Variants in GPC6 observed in about 807,000 individuals in gnomAD.
The protein encoded by GPC6 is glypican 6, also known as glypican-6.
Under a neutral mutation model 55.2 loss-of-function variants are expected in GPC6, and 14 were observed. The ratio of observed to expected loss-of-function variants is 0.25; its 90% confidence interval spans 0.17 to 0.40. The LOEUF (loss-of-function observed/expected upper bound fraction) is 0.40, where lower values mean the gene tolerates loss of function less well. Ranked by LOEUF, GPC6 falls within the 10% of genes least tolerant of loss-of-function variation. The pLI, the probability that GPC6 is intolerant of heterozygous loss-of-function variation, is 1.00. For missense variants in GPC6, 641 were observed against 708.5 expected (o/e 0.90, Z 1.08); for synonymous variants, 278 against 259.6 (o/e 1.07, Z -0.68).
At chr13:93,992,817 A>T (rs1881370475) in intron 3 of GPC6, among the ~76,000 whole-genome samples, 1 of 152,194 alleles carries the variant, frequency 6.6e-6, no homozygotes, top group African/African-American at 2.4e-5. Flanking sequence ...GGTGTATAGA[A>T]AATTTAGAGA....
chr13:93,711,977 C>T (rs573520511), intron 2 of GPC6, among the ~76,000 whole-genome samples: 17 of 151,826 alleles, frequency 1.1e-4, no homozygotes, highest in African/African-American at 4.1e-4. Flanking sequence ...GGAGGACACA[C>T]TTCACATTGA....
chr13:93,658,731 T>C (rs1007503362), intron 2 of GPC6, among the ~76,000 whole-genome samples: 28 of 151,736 alleles, frequency 1.8e-4, no homozygotes, highest in African/African-American at 6.5e-4. Context: ...TATTAAATAT[T>C]ATAGCATATT....
At chr13:93,463,658 G>C (rs1403133422) in intron 1 of GPC6, among the ~76,000 whole-genome samples, 2 of 152,120 alleles carry the variant, frequency 1.3e-5, no homozygotes, top group African/African-American at 4.8e-5. Flanking sequence ...ACCATGTTAG[G>C]ACCTGAATGA....
chr13:94,067,197 G>T (rs1884547915), intron 4 of GPC6, among the ~76,000 whole-genome samples: 1 of 152,080 alleles, frequency 6.6e-6, no homozygotes, highest in African/African-American at 2.4e-5. Flanking sequence ...CAATATTAGG[G>T]TAAATATGGA....
chr13:93,394,572 A>G (rs764783878), intron 1 of GPC6, among the ~76,000 whole-genome samples: 8 of 152,214 alleles, frequency 5.3e-5, no homozygotes, highest in Admixed American at 1.3e-4. Context: ...CTTAAAAGTT[A>G]ATGAAACATA....
intron 2 of GPC6, among the ~76,000 whole-genome samples, chr13:93,689,821 A>G (rs886284027): frequency 2.0e-4 from 30 of 152,090 alleles, no homozygotes; most frequent in African/African-American, 7.0e-4. Flanking sequence ...AGCAGAAAGG[A>G]TATTGATTAT....
intron 4 of GPC6, among the ~76,000 whole-genome samples, chr13:94,280,712 G>C (rs1205472706): frequency 1.3e-5 from 2 of 152,204 alleles, no homozygotes; most frequent in East Asian, 3.9e-4. Context: ...ATGCTTCTCA[G>C]TGGGGAAAAT....
intron 3 of GPC6, among the ~76,000 whole-genome samples, chr13:93,832,395 G>A (rs560559490): frequency 6.6e-6 from 1 of 152,020 alleles, no homozygotes; most frequent in South Asian, 2.1e-4. Flanking sequence ...TAGTCACAGA[G>A]GCTGCAAGCT....
intron 4 of GPC6, among the ~76,000 whole-genome samples, chr13:94,103,449 G>A (rs145118892): frequency 2.6e-5 from 4 of 152,248 alleles, no homozygotes; most frequent in African/African-American, 7.2e-5. Context: ...CTAGATCCTT[G>A]AGGAATTGCC....
At chr13:93,687,953 G>A (rs889412707) in intron 2 of GPC6, among the ~76,000 whole-genome samples, 11 of 151,750 alleles carry the variant, frequency 7.2e-5, no homozygotes, top group Non-Finnish European at 7.4e-5. Context: ...TCCAGAGGCA[G>A]GCAGTCCAGG....
intron 8 of GPC6, 22 bp downstream of exon 8, chr13:94,398,663 C>A: frequency 6.2e-7 from 1 of 1,609,728 alleles, no homozygotes; most frequent in Non-Finnish European, 8.5e-7. Flanking sequence ...CTTCCCAGCA[C>A]CAGAAATTTT....
chr13:93,613,813 C>A (rs1445564480), intron 2 of GPC6, among the ~76,000 whole-genome samples: 2 of 152,138 alleles, frequency 1.3e-5, no homozygotes, highest in African/African-American at 4.8e-5. Context: ...GTTTTCAAGT[C>A]CCACAACCCT....
intron 3 of GPC6, among the ~76,000 whole-genome samples, chr13:93,977,698 C>T (rs1880589512): frequency 6.6e-6 from 1 of 152,074 alleles, no homozygotes; most frequent in Non-Finnish European, 1.5e-5. Flanking sequence ...ATATGCACAT[C>T]CTTACTGCCT....
chr13:93,329,110 AC>A, intron 1 of GPC6, among the ~76,000 whole-genome samples: 1 of 152,272 alleles, frequency 6.6e-6, no homozygotes, highest in South Asian at 2.1e-4. Context: ...TAAACTTTGG[AC>A]CTTGAGAAAT....
intron 5 of GPC6, among the ~76,000 whole-genome samples, chr13:94,305,703 G>T (rs1298712586): frequency 6.6e-6 from 1 of 152,138 alleles, no homozygotes. Flanking sequence ...AAATTTTAAT[G>T]AGTAAGCAAA....
intron 2 of GPC6, among the ~76,000 whole-genome samples, chr13:93,719,664 T>G (rs1566502765): frequency 6.6e-6 from 1 of 152,066 alleles, no homozygotes; most frequent in Non-Finnish European, 1.5e-5. Flanking sequence ...CTTGTGCCAG[T>G]TTTCAAAGGG....
chr13:93,684,130 A>G (rs1251597643), intron 2 of GPC6, among the ~76,000 whole-genome samples: 3 of 152,136 alleles, frequency 2.0e-5, no homozygotes, highest in African/African-American at 7.2e-5. Context: ...GCAAGCCATG[A>G]CAGATTTATT....
intron 1 of GPC6, among the ~76,000 whole-genome samples, chr13:93,316,850 G>A (rs533638845): frequency 1.2e-4 from 18 of 152,138 alleles, no homozygotes; most frequent in Non-Finnish European, 2.4e-4. Flanking sequence ...CTCAGCATAC[G>A]TTTTAATGTA....
the GPC6 span, among the ~76,000 whole-genome samples, chr13:93,218,040 C>T: frequency 6.6e-6 from 1 of 151,422 alleles, no homozygotes; most frequent in East Asian, 1.9e-4. Flanking sequence ...TGTTTCTATG[C>T]TTGCTTGCTT....
Sources: gnomAD v4.1 joint callset for allele counts (sites outside exome capture counted in the v4.1 genomes callset) on GRCh38, gnomAD v4.1.1 for gene constraint, MANE v1.5 for transcripts, NCBI Gene and HGNC (gene_info 2026-07-23, HGNC 2026-07-21) for gene names.